PCLO: variants seen among roughly 807,000 people sequenced by gnomAD.
PCLO encodes protein piccolo.
Under a neutral mutation model 427.5 loss-of-function variants are expected in PCLO, and 82 were observed. The ratio of observed to expected loss-of-function variants is 0.19; its 90% CI spans 0.16 to 0.23. The LOEUF is 0.23. Ranked by LOEUF, PCLO falls within the 10% of genes least tolerant of loss-of-function variation. The pLI, the probability that PCLO is intolerant of heterozygous loss-of-function variation, is 1.00. For synonymous variants in PCLO, 2,357 were observed against 2,155.4 expected, an observed-to-expected ratio of 1.09 and a Z score of -2.59; for missense variants, 6,239 against 6,115.9, an observed-to-expected ratio of 1.02 and a Z score of -0.67.
In PCLO at chr7:82,861,846, G is replaced by C. The variant is rs567286699; in HGVS notation, c.13655-14599C>G. Among the ~76,000 whole-genome samples the C allele has an allele frequency of 2.0e-5, 3 of 151,864 alleles. No individual in the cohort carries two copies. The South Asian group carries it at 6.2e-4, about 31-fold the overall frequency. ...ATTTTGGAAAGTATTCAAATATACA[G>C]AAATTAAACAATATGCTCCTGAATG... On this transcript the variant is annotated intron_variant, in intron 10 of 24. Coordinates refer to ENST00000333891, the MANE Select transcript of PCLO (RefSeq NM_033026.6).
intron 22 of PCLO, among the ~76,000 whole-genome samples, chr7:82,793,433 G>C (rs1463041439): frequency 1.3e-5 from 2 of 152,114 alleles, no homozygotes; most frequent in Non-Finnish European, 2.9e-5. Context: ...CAAAACTACA[G>C]GCTGGCTCTT....
intron 22 of PCLO, among the ~76,000 whole-genome samples, chr7:82,794,794 C>A (rs910356604): frequency 7.9e-5 from 12 of 151,686 alleles, no homozygotes; most frequent in Admixed American, 2.0e-4. Flanking sequence ...TAATTTTTGA[C>A]CTTGTTTGTT....
rs183076208 is a variant in PCLO at position 82,950,357 on chromosome 7, T to G, written c.10231A>C (p.Lys3411Gln). Reference protein sequence around the residue: ...DVVVKEEKQPKKRSSGAKVRG... With the variant: ...DVVVKEEKQPQKRSSGAKVRG... ...ACTTTAGCTCCAGAACTTCTCTTTT[T>G]GGGTTGTTTTTCCTCTTTCACAACA... The change falls in exon 6 of 25, where the codon AAA becomes CAA. Residue 3411 changes from lysine (K) to glutamine (Q), a missense_variant. By Grantham distance (53) the Lys-to-Gln change is moderately conservative. Coordinates refer to ENST00000333891, the MANE Select transcript of PCLO (RefSeq NM_033026.6). The G allele has an allele frequency of 6.2e-7, 1 of 1,613,778 alleles. No homozygotes were observed. The highest frequency in any genetic ancestry group is 2.2e-5 in the East Asian group (1 of 44,858).
chr7:82,984,410 G>C (rs985564763), intron 3 of PCLO, among the ~76,000 whole-genome samples: 2 of 126,280 alleles, frequency 1.6e-5, no homozygotes, highest in African/African-American at 2.8e-5. Context: ...TGTGGTGTCT[G>C]TGTGTGTGTG....
chr7:82,805,702 A>G lies in PCLO; in HGVS notation c.14919T>C (p.Phe4973=). The change falls in exon 21 of 25, where the codon TTT becomes TTC. Residue 4973 remains phenylalanine, a synonymous_variant. Transcript: ENST00000333891. Reference sequence around the variant, plus strand: ...GACCCACTTACATCCTCGGAATAGGAAATAGATTAGTCTCCCCTGCAGTGC... The same window carrying G: ...GACCCACTTACATCCTCGGAATAGGGAATAGATTAGTCTCCCCTGCAGTGC... The part of the protein sequence containing the change: ...SSSTAGETNL[F]PIPRIGKMGQ... 1 of 1,612,982 alleles carries G rather than the reference A, an allele frequency of 6.2e-7. No homozygotes were observed. The highest frequency in any genetic ancestry group is 8.5e-7 in the Non-Finnish European group (1 of 1,179,484).
chr7:82,867,050 AC>A (rs1386571190), intron 10 of PCLO, among the ~76,000 whole-genome samples: 1 of 152,168 alleles, frequency 6.6e-6, no homozygotes, highest in Non-Finnish European at 1.5e-5. Context: ...TTTCAATGAA[AC>A]TAAAAGAATA....
At chr7:82,871,729 A>G (rs903654205) in intron 10 of PCLO, among the ~76,000 whole-genome samples, 3 of 151,960 alleles carry the variant, frequency 2.0e-5, no homozygotes, top group African/African-American at 2.4e-5. Context: ...AATATGTACA[A>G]CTATTATGTG....
At chr7:83,161,429 AAGGCAAGGC>A (rs1479618594) in intron 1 of PCLO, among the ~76,000 whole-genome samples, 2 of 152,228 alleles carry the variant, frequency 1.3e-5, no homozygotes, top group Non-Finnish European at 2.9e-5. Flanking sequence ...TACAGTAAGA[AAGGCAAGGC>A]AGGCACAATG....
intron 10 of PCLO, among the ~76,000 whole-genome samples, chr7:82,866,933 T>G (rs974693783): frequency 2.0e-5 from 3 of 152,124 alleles, no homozygotes; most frequent in Admixed American, 1.3e-4. Flanking sequence ...TAGTTGGAAT[T>G]CTTTCGAGTG....
Position 82,822,701 on chromosome 7 carries a change from A to C in PCLO, c.14597-12T>G. The C allele has an allele frequency of 6.2e-7, 1 of 1,610,270 alleles. No homozygotes were observed. Among genetic ancestry groups the C allele is most frequent in the East Asian group, 2.2e-5 (1 of 44,872 alleles). On this transcript the variant is annotated splice_polypyrimidine_tract_variant and intron_variant, in intron 19 of 24. Coordinates refer to ENST00000333891, the MANE Select transcript of PCLO (RefSeq NM_033026.6). Reference sequence around the variant, plus strand: ...GGGAACCTGCATGTCTGGTCACAAAAGGGTAAAACATGAGTTAAAGTTGTT... The same window carrying C: ...GGGAACCTGCATGTCTGGTCACAAACGGGTAAAACATGAGTTAAAGTTGTT...
intron 3 of PCLO, among the ~76,000 whole-genome samples, chr7:83,019,970 A>G (rs1207231690): frequency 2.6e-5 from 4 of 152,134 alleles, no homozygotes; most frequent in Non-Finnish European, 5.9e-5. Context: ...TGCTTAGGAG[A>G]TATGTAGCTC....
In PCLO at chr7:82,921,654, G is replaced by A. The variant is rs148358025; in HGVS notation, c.11113-4781C>T. ...AACTATAAAAACCCTAGAAGAAAAC[G>A]TAGGAAATGCAATTCTGAACATAAG... On this transcript the variant is annotated intron_variant, in intron 6 of 24. Coordinates refer to ENST00000333891, the MANE Select transcript of PCLO (RefSeq NM_033026.6). 9.0e-4 allele frequency among the ~76,000 whole-genome samples: 136 copies of A among 151,794 alleles called. 1 individual carries two copies. Among genetic ancestry groups the A allele is most frequent in the African/African-American group, 3.1e-3 (127 of 41,480 alleles).
chr7:82,779,730 T>C (rs28714449), intron 22 of PCLO, among the ~76,000 whole-genome samples: 17,017 of 140,484 alleles, frequency 0.12, 1,771 homozygotes, highest in African/African-American at 0.28. Context: ...CTATATTTTT[T>C]TTTCTTTCTT....
At chr7:83,030,039 C>A (rs1312199063) in intron 3 of PCLO, among the ~76,000 whole-genome samples, 1 of 144,446 alleles carries the variant, frequency 6.9e-6, no homozygotes, top group Non-Finnish European at 1.5e-5. Context: ...TGCAGCGCAC[C>A]AGCATGGCAC....
intron 3 of PCLO, among the ~76,000 whole-genome samples, chr7:83,121,127 A>T (rs1791266002): frequency 7.0e-6 from 1 of 142,662 alleles, no homozygotes; most frequent in African/African-American, 2.7e-5. Flanking sequence ...CTAAAAATAC[A>T]AAAACAAACA....
At chr7:83,139,884 T>A (rs1259206764) in intron 2 of PCLO, among the ~76,000 whole-genome samples, 3 of 152,172 alleles carry the variant, frequency 2.0e-5, no homozygotes, top group African/African-American at 7.2e-5. Flanking sequence ...ACTGGCCAAA[T>A]CTGTTGAAGG....
chr7:82,908,936 C>T lies in PCLO; in HGVS notation c.13378G>A (p.Asp4460Asn). 1 of 1,612,886 alleles carries T rather than the reference C, an allele frequency of 6.2e-7. No individual in the cohort carries two copies. The highest frequency in any genetic ancestry group is 8.5e-7 in the Non-Finnish European group (1 of 1,179,194). ...ESRLENGHGL[D>N]RKLPERLVHS... ...ACCAATCTTTCCGGCAGTTTTCGGT[C>T]CAGACCATGTCCATTTTCCAAACGA... is the stretch of plus-strand genomic sequence containing the variant. Residue 4460 changes from aspartate (D) to asparagine (N), a missense_variant, in exon 8 of 25, where the codon GAC becomes AAC. By Grantham distance (23) the Asp-to-Asn change is conservative (BLOSUM62 1). Transcript: ENST00000333891.
At chr7:82,783,348 C>G (rs186701057) in intron 22 of PCLO, among the ~76,000 whole-genome samples, 1 of 152,102 alleles carries the variant, frequency 6.6e-6, no homozygotes, top group Admixed American at 6.5e-5. Flanking sequence ...GGTGTGGTGG[C>G]TTACGCCTGT....
rs754332828 is a variant in PCLO, at chr7:82,955,354, G to T, written c.5599C>A (p.Pro1867Thr). ...SEYSPSIESD[P>T]EGFEISPEKI... The stretch of plus-strand genomic sequence containing the variant: ...TCCGGGCTTATTTCAAAACCTTCTG[G>T]GTCTGACTCTATGCTAGGTGAATAT... Residue 1867 changes from proline (P) to threonine (T), a missense_variant, in exon 5 of 25, where the codon CCA becomes ACA. By Grantham distance (38) the Pro-to-Thr change is conservative. Transcript: ENST00000333891. 6.2e-7 allele frequency: 1 copy of T among 1,613,456 alleles called. No individual in the cohort carries two copies. The highest frequency in any genetic ancestry group is 8.5e-7 in the Non-Finnish European group (1 of 1,179,724).
Sources: gnomAD v4.1 joint callset for allele counts (sites outside exome capture counted in the v4.1 genomes callset) on GRCh38, gnomAD v4.1.1 for gene constraint, MANE v1.5 for transcripts, NCBI Gene and HGNC (gene_info 2026-07-23, HGNC 2026-07-21) for gene names.